The following ZDHHC17 variants were observed in gnomAD, a reference collection of about 807,000 sequenced individuals.
The protein encoded by ZDHHC17 is palmitoyltransferase ZDHHC17.
Under a neutral mutation model 90.3 loss-of-function variants are expected in ZDHHC17, and 40 were observed. That is an observed-to-expected ratio of 0.44 (90% CI 0.34 to 0.58). The LOEUF (loss-of-function observed/expected upper bound fraction) is 0.58, where lower values mean the gene tolerates loss of function less well. Ranked by LOEUF, ZDHHC17 falls within the 20% of genes least tolerant of loss-of-function variation. ZDHHC17 has a pLI of 0.01. For missense variants in ZDHHC17, 614 were observed against 780.8 expected, an observed-to-expected ratio of 0.79 and a Z score of 2.55; for synonymous variants, 235 against 252.4, an observed-to-expected ratio of 0.93 and a Z score of 0.65.
intron 2 of ZDHHC17, among the ~76,000 whole-genome samples, chr12:76,802,581 T>A (rs573115822): frequency 6.6e-6 from 1 of 152,356 alleles, no homozygotes; most frequent in African/African-American, 2.4e-5. Context: ...CTTAATGGTG[T>A]CCCACAGGTC....
chr12:76,768,478 A>G (rs973235451), intron 1 of ZDHHC17, among the ~76,000 whole-genome samples: 1 of 152,272 alleles, frequency 6.6e-6, no homozygotes, highest in Non-Finnish European at 1.5e-5. Flanking sequence ...TTAAAATAAC[A>G]TAAAAAAGAT....
At chr12:76,821,117 A>C (rs1953158663) in intron 7 of ZDHHC17, 1 of 1,287,236 alleles carries the variant, frequency 7.8e-7, no homozygotes, top group Non-Finnish European at 1.0e-6. Context: ...GACCGAGGCA[A>C]CTGCAGGATA....
chr12:76,803,649 G>A (rs778915945), intron 2 of ZDHHC17, among the ~76,000 whole-genome samples: 2 of 152,148 alleles, frequency 1.3e-5, no homozygotes, highest in African/African-American at 2.4e-5. Context: ...TATTCCATAA[G>A]ATAACCATAA....
intron 1 of ZDHHC17, among the ~76,000 whole-genome samples, chr12:76,773,526 CAGT>C (rs1952520445): frequency 6.6e-6 from 1 of 152,162 alleles, no homozygotes; most frequent in South Asian, 2.1e-4. Flanking sequence ...TTACTTTTCA[CAGT>C]AGTTCTGCAA....
chr12:76,833,741 C>T (rs779481212), intron 10 of ZDHHC17, among the ~76,000 whole-genome samples: 5 of 152,014 alleles, frequency 3.3e-5, no homozygotes, highest in East Asian at 1.9e-4. Flanking sequence ...TGCAGTGAGC[C>T]GAGATTGCGC....
At chr12:76,845,334 A>G (rs1953482011) in intron 12 of ZDHHC17, 1 of 152,862 alleles carries the variant, frequency 6.5e-6, no homozygotes, top group African/African-American at 2.4e-5. Flanking sequence ...ATGACCATTA[A>G]TCATAATGGA....
At chr12:76,817,752 G>A (rs1261786210) in intron 7 of ZDHHC17, among the ~76,000 whole-genome samples, 1 of 151,974 alleles carries the variant, frequency 6.6e-6, no homozygotes, top group Admixed American at 6.6e-5. Context: ...TTAGTAAAAG[G>A]AATAATCTAC....
intron 7 of ZDHHC17, among the ~76,000 whole-genome samples, chr12:76,819,131 CTG>C (rs1418953209): frequency 6.6e-6 from 1 of 152,106 alleles, no homozygotes; most frequent in Non-Finnish European, 1.5e-5. Flanking sequence ...TTTTGGGTAA[CTG>C]AGCGTCTTGT....
intron 1 of ZDHHC17, among the ~76,000 whole-genome samples, chr12:76,780,146 T>C (rs1952605671): frequency 6.6e-6 from 1 of 152,248 alleles, no homozygotes. Flanking sequence ...TTACTTCCTA[T>C]GTAAATTTTA....
At chr12:76,777,338 G>C (rs536472908) in intron 1 of ZDHHC17, among the ~76,000 whole-genome samples, 7 of 152,270 alleles carry the variant, frequency 4.6e-5, no homozygotes, top group Admixed American at 3.9e-4. Flanking sequence ...TCTCTGGAGA[G>C]TCATCAGGTT....
chr12:76,778,084 T>C (rs947633140), intron 1 of ZDHHC17, among the ~76,000 whole-genome samples: 3 of 152,190 alleles, frequency 2.0e-5, no homozygotes, highest in African/African-American at 7.2e-5. Context: ...GGAGATCTTA[T>C]TTACATGACT....
At chr12:76,787,098 C>A (rs534005984) in intron 1 of ZDHHC17, among the ~76,000 whole-genome samples, 9 of 152,274 alleles carry the variant, frequency 5.9e-5, no homozygotes, top group African/African-American at 2.2e-4. Context: ...GGTACTTCTT[C>A]CTTGAAATTT....
At chr12:76,828,086 CTATA>C (rs991016541) in intron 9 of ZDHHC17, among the ~76,000 whole-genome samples, 1 of 152,000 alleles carries the variant, frequency 6.6e-6, no homozygotes, top group African/African-American at 2.4e-5. Flanking sequence ...ATGATAGCTA[CTATA>C]TATACTAAAG....
chr12:76,852,392 G>C lies in ZDHHC17; in HGVS notation c.*1407G>C, dbSNP rs1281811002. ...CTGTATATAAATAATTTATCAAATA[G>C]TTTTCTCTTTGTGTCTGTGTTAGTG... On this transcript the variant is annotated 3_prime_UTR_variant, in exon 17 of 17. Transcript: ENST00000426126. 1 of 152,584 alleles carries C rather than the reference G, an allele frequency of 6.6e-6. No individual in the cohort carries two copies. The highest frequency in any genetic ancestry group is 2.4e-5 in the African/African-American group (1 of 41,432). 9.5% of individuals were successfully genotyped at this position (152,584 alleles called of 1,614,324 possible). A position where few individuals can be genotyped will look rare whatever the true frequency, so the allele number is the denominator to read the frequency against.
intron 2 of ZDHHC17, among the ~76,000 whole-genome samples, chr12:76,802,101 G>A (rs1047877406): frequency 6.6e-6 from 1 of 152,032 alleles, no homozygotes; most frequent in East Asian, 1.9e-4. Context: ...AATTTCACCT[G>A]GCAGGTCTCC....
rs780658728 is a variant in ZDHHC17 at position 76,815,838 on chromosome 12, T to G, written c.609-19T>G. 3 of 1,468,962 alleles carry G rather than the reference T, an allele frequency of 2.0e-6. No individual in the cohort carries two copies. The highest frequency in any genetic ancestry group is 2.9e-5 in the African/African-American group (2 of 69,438). The allele number at this position is 1,468,962 out of a possible 1,614,324, so 91.0% of individuals were successfully genotyped here. ...TAGGGTTGTTGTTGTTGTTTGTTTT[T>G]TTTTTTTTTCCTTTTCAGTGTGGAT... On this transcript the variant is annotated intron_variant, in intron 6 of 16. Coordinates refer to ENST00000426126, the MANE Select transcript of ZDHHC17 (RefSeq NM_015336.4).
At chr12:76,838,078 A>T (rs1428080203) in intron 10 of ZDHHC17, among the ~76,000 whole-genome samples, 3 of 149,950 alleles carry the variant, frequency 2.0e-5, no homozygotes, top group African/African-American at 4.9e-5. Flanking sequence ...TTTTTGTTTG[A>T]TCTCAGTCTG....
chr12:76,764,139 G>A lies in ZDHHC17; in HGVS notation c.-98G>A. ...CGTCACGGGGGCAGGAGAAGAAGGA[G>A]GAGGAGGCCCGCGTCGCCTCCGGCG... is the stretch of plus-strand genomic sequence containing the variant. On this transcript the variant is annotated 5_prime_UTR_variant, in exon 1 of 17. Coordinates refer to ENST00000426126, the MANE Select transcript of ZDHHC17 (RefSeq NM_015336.4). The A allele has an allele frequency of 1.1e-6, 1 of 931,240 alleles. No individual in the cohort carries two copies. The highest frequency in any genetic ancestry group is 1.6e-6 in the Non-Finnish European group (1 of 625,818). The allele number at this position is 931,240 out of a possible 1,614,324, so 57.7% of individuals were successfully genotyped here.
intron 1 of ZDHHC17, among the ~76,000 whole-genome samples, chr12:76,794,646 C>T (rs116025664): frequency 6.6e-6 from 1 of 151,934 alleles, no homozygotes; most frequent in African/African-American, 2.4e-5. Context: ...AGGCACAAAA[C>T]AGATACTTAC....
Sources: allele counts gnomAD v4.1 joint callset (sites outside exome capture counted in the v4.1 genomes callset), GRCh38; gene constraint gnomAD v4.1.1; transcripts MANE v1.5; gene names NCBI Gene and HGNC (gene_info 2026-07-23, HGNC 2026-07-21).